ASAP1: variants seen among roughly 807,000 people sequenced by gnomAD.
ASAP1 encodes ArfGAP with SH3 domain, ankyrin repeat and PH domain 1.
ASAP1 carries 43 observed loss-of-function variants against 145.2 expected under a neutral mutation model. That is an observed-to-expected ratio of 0.30 (90% CI 0.23 to 0.38). The LOEUF (loss-of-function observed/expected upper bound fraction) is 0.38, where lower values mean the gene tolerates loss of function less well. ASAP1 is among the 10% of genes least tolerant of loss of function. ASAP1 has a pLI of 1.00. For synonymous variants in ASAP1, 546 were observed against 515.5 expected (o/e 1.06, Z -0.80); for missense variants, 1,018 against 1,355.3 (o/e 0.75, Z 3.91).
intron 5 of ASAP1, among the ~76,000 whole-genome samples, chr8:130,196,819 G>C (rs1326057456): frequency 1.3e-5 from 2 of 152,198 alleles, no homozygotes; most frequent in Admixed American, 1.3e-4. Flanking sequence ...TTAAGTCTGC[G>C]ATTCCCTGGT....
intron 9 of ASAP1, 56 bp downstream of exon 9, chr8:130,179,208 T>C (rs981693110): frequency 4.7e-6 from 5 of 1,073,606 alleles, no homozygotes; most frequent in Non-Finnish European, 7.1e-6. Flanking sequence ...AGACAAATAA[T>C]GAAGTACAGG....
chr8:130,205,889 C>T (rs1816188961), intron 5 of ASAP1, among the ~76,000 whole-genome samples: 1 of 152,014 alleles, frequency 6.6e-6, no homozygotes, highest in Non-Finnish European at 1.5e-5. Flanking sequence ...GATTTTGGAC[C>T]TGAATGAGAT....
At chr8:130,328,049 T>C (rs1824450963) in intron 3 of ASAP1, among the ~76,000 whole-genome samples, 1 of 152,210 alleles carries the variant, frequency 6.6e-6, no homozygotes. Context: ...CTGAGTTTTA[T>C]TATCTTCTAC....
At chr8:130,284,421 C>T (rs756560229) in intron 3 of ASAP1, among the ~76,000 whole-genome samples, 2 of 151,748 alleles carry the variant, frequency 1.3e-5, no homozygotes, top group African/African-American at 2.4e-5. Flanking sequence ...AAGGCAAAAA[C>T]GGGAGTCAAA....
intron 3 of ASAP1, among the ~76,000 whole-genome samples, chr8:130,262,009 C>A (rs937329363): frequency 1.3e-5 from 2 of 152,110 alleles, no homozygotes; most frequent in African/African-American, 4.8e-5. Flanking sequence ...ATGGAGAATA[C>A]AAACTATGAA....
At chr8:130,206,315 AC>A (rs2136353909) in intron 5 of ASAP1, among the ~76,000 whole-genome samples, 1 of 152,288 alleles carries the variant, frequency 6.6e-6, no homozygotes, top group South Asian at 2.1e-4. Context: ...TACCAATTTT[AC>A]CATTAGGCAC....
Position 130,152,729 on chromosome 8 carries a change from T to C in ASAP1, c.1080+7A>G. 2.5e-6 allele frequency: 4 copies of C among 1,606,326 alleles called. No homozygotes were observed. The highest frequency in any genetic ancestry group is 3.4e-6 in the Non-Finnish European group (4 of 1,174,396). ...ATGAGGCAGGGTAAATTAAGAAACA[T>C]ACTTACTGTGGCATGTGAGATGGTC... is the stretch of plus-strand genomic sequence containing the variant. On this transcript the variant is annotated splice_region_variant and intron_variant, in intron 13 of 29. Coordinates refer to ENST00000518721, the MANE Select transcript of ASAP1 (RefSeq NM_018482.4).
At chr8:130,295,891 C>A (rs948782130) in intron 3 of ASAP1, among the ~76,000 whole-genome samples, 1 of 152,068 alleles carries the variant, frequency 6.6e-6, no homozygotes, top group African/African-American at 2.4e-5. Context: ...ATAGGAGCTG[C>A]GCTATATTAA....
chr8:130,103,359 T>C (rs752758831), intron 24 of ASAP1, among the ~76,000 whole-genome samples: 10 of 152,136 alleles, frequency 6.6e-5, no homozygotes, highest in Non-Finnish European at 1.3e-4. Context: ...ACACAACACT[T>C]GCTGCTTTTC....
At chr8:130,265,478 CAGG>C (rs1820185952) in intron 3 of ASAP1, among the ~76,000 whole-genome samples, 1 of 150,590 alleles carries the variant, frequency 6.6e-6, no homozygotes. Flanking sequence ...GAGGCTGAAG[CAGG>C]AGGTTTGTTT....
At chr8:130,365,134 C>G (rs969428757) in intron 2 of ASAP1, among the ~76,000 whole-genome samples, 6 of 152,182 alleles carry the variant, frequency 3.9e-5, no homozygotes, top group African/African-American at 1.4e-4. Flanking sequence ...CCTGGAGCCC[C>G]AGGCTTGGCC....
At chr8:130,300,161 G>GC (rs1822562338) in intron 3 of ASAP1, among the ~76,000 whole-genome samples, 1 of 117,054 alleles carries the variant, frequency 8.5e-6, no homozygotes, top group Non-Finnish European at 1.7e-5. Flanking sequence ...CACAGAGAGA[G>GC]AGAGAGAGAG....
At chr8:130,384,424 C>G (rs1440594915) in intron 2 of ASAP1, among the ~76,000 whole-genome samples, 1 of 152,208 alleles carries the variant, frequency 6.6e-6, no homozygotes, top group Non-Finnish European at 1.5e-5. Flanking sequence ...AACCCCACTG[C>G]TGGGCAGGGG....
intron 1 of ASAP1, among the ~76,000 whole-genome samples, chr8:130,410,017 C>T (rs4733575): frequency 0.24 from 36,496 of 152,128 alleles, 5,396 homozygotes; most frequent in Non-Finnish European, 0.32. Context: ...GGTGTGAACA[C>T]AATGTCATAG....
chr8:130,439,579 T>TA (rs150934941), intron 1 of ASAP1, among the ~76,000 whole-genome samples: 6 of 148,006 alleles, frequency 4.1e-5, no homozygotes, highest in South Asian at 4.3e-4. Context: ...CATAAGATAT[T>TA]AAAAAAAAAA....
chr8:130,183,118 C>T (rs1327881837), intron 7 of ASAP1, among the ~76,000 whole-genome samples: 1 of 152,046 alleles, frequency 6.6e-6, no homozygotes, highest in Non-Finnish European at 1.5e-5. Flanking sequence ...AGATTGCAAA[C>T]AGAATGCACA....
At chr8:130,118,052 T>C (rs538936621) in intron 20 of ASAP1, 109 bp downstream of exon 20, 1 of 849,868 alleles carries the variant, frequency 1.2e-6, no homozygotes, top group Non-Finnish European at 1.8e-6. Flanking sequence ...ATATCTAGCA[T>C]GACACAGAAA....
intron 3 of ASAP1, among the ~76,000 whole-genome samples, chr8:130,299,125 C>T (rs989715446): frequency 3.3e-5 from 5 of 152,174 alleles, no homozygotes; most frequent in African/African-American, 9.6e-5. Context: ...GCTGGATGCC[C>T]GTGTGTCCGT....
At chr8:130,290,611 T>C (rs1453143997) in intron 3 of ASAP1, among the ~76,000 whole-genome samples, 2 of 152,200 alleles carry the variant, frequency 1.3e-5, no homozygotes, top group Non-Finnish European at 2.9e-5. Flanking sequence ...CCTTCCCTCA[T>C]TCCAGTGGTG....
Sources: gnomAD v4.1 joint callset for allele counts (sites outside exome capture counted in the v4.1 genomes callset) on GRCh38, gnomAD v4.1.1 for gene constraint, MANE v1.5 for transcripts, NCBI Gene and HGNC (gene_info 2026-07-23, HGNC 2026-07-21) for gene names.